Variants in PRKCI observed in about 807,000 individuals in gnomAD.
The protein encoded by PRKCI is protein kinase C iota.
Under a neutral mutation model 84.0 loss-of-function variants are expected in PRKCI, and 43 were observed. The observed-to-expected ratio is 0.51, with a 90% CI of 0.40 to 0.66. The LOEUF (loss-of-function observed/expected upper bound fraction) is 0.66. PRKCI is among the 30% of genes least tolerant of loss of function. PRKCI has a pLI of 0.00. For missense variants in PRKCI, 459 were observed against 745.6 expected (o/e 0.62, Z 4.48); for synonymous variants, 216 against 234.4 (o/e 0.92, Z 0.72).
At chr3:170,250,464 A>G (rs537329774) in intron 2 of PRKCI, among the ~76,000 whole-genome samples, 3 of 108,506 alleles carry the variant, frequency 2.8e-5, no homozygotes, top group Admixed American at 1.5e-4. Flanking sequence ...TCTCGTGTCT[A>G]TTAGCAGTTG....
chr3:170,294,007 T>G (rs1445057222), intron 14 of PRKCI, among the ~76,000 whole-genome samples: 2 of 152,166 alleles, frequency 1.3e-5, no homozygotes, highest in Non-Finnish European at 2.9e-5. Context: ...TTGATGTTTT[T>G]TAATACATTC....
At chr3:170,286,807 CTTTCT>C (rs1734404113) in intron 12 of PRKCI, among the ~76,000 whole-genome samples, 2 of 146,654 alleles carry the variant, frequency 1.4e-5, no homozygotes, top group Non-Finnish European at 3.0e-5. Context: ...TTTATTTTTA[CTTTCT>C]TTTTTTTTTT....
chr3:170,284,680 A>T, intron 12 of PRKCI, 84 bp downstream of exon 12: 2 of 1,394,466 alleles, frequency 1.4e-6, no homozygotes, highest in Non-Finnish European at 2.0e-6. Context: ...AAGATGAGGA[A>T]ATGATTACTA....
chr3:170,269,977 AAAG>A (rs1374409497), intron 5 of PRKCI, among the ~76,000 whole-genome samples: 5 of 152,118 alleles, frequency 3.3e-5, no homozygotes, highest in Middle Eastern at 3.4e-3. Flanking sequence ...AAAAGAAAGA[AAAG>A]AAGAAGAAGG....
chr3:170,280,269 G>A lies in PRKCI; in HGVS notation c.748G>A (p.Gly250Ser). ...RESGKASSSL[G>S]LQDFDLLRVI... ...AAGTGGCAAAGCTTCATCCAGTCTA[G>A]GTCTTCAGGATTTTGATTTGCTCCG... Residue 250 changes from glycine to serine, a missense_variant, in exon 9 of 18, where the codon GGT (glycine) becomes AGT (serine). Physicochemically the swap from Gly to Ser is moderately conservative, Grantham distance 56 (BLOSUM62 0). Transcript: ENST00000295797. 1 of 1,612,854 alleles carries A rather than the reference G, an allele frequency of 6.2e-7. No individual in the cohort carries two copies. Among genetic ancestry groups the A allele is most frequent in the Non-Finnish European group, 8.5e-7 (1 of 1,179,956 alleles).
At chr3:170,302,289 C>T (rs1734841299) in intron 17 of PRKCI, among the ~76,000 whole-genome samples, 1 of 152,132 alleles carries the variant, frequency 6.6e-6, no homozygotes, top group Non-Finnish European at 1.5e-5. Context: ...TGAATACTGC[C>T]TTCCTTGATT....
At chr3:170,223,922 TTTTTATTATTATAC>T (rs1462393878) in intron 1 of PRKCI, among the ~76,000 whole-genome samples, 4 of 152,130 alleles carry the variant, frequency 2.6e-5, no homozygotes, top group Admixed American at 6.5e-5. Flanking sequence ...AGGACTTTTT[TTTTTATTATTATAC>T]TTTAAGTTTT....
chr3:170,232,471 C>T (rs1732826002), intron 1 of PRKCI, among the ~76,000 whole-genome samples: 2 of 151,942 alleles, frequency 1.3e-5, no homozygotes, highest in Admixed American at 6.6e-5. Flanking sequence ...GCTCAAGCTG[C>T]ACTTATTTAG....
rs1734868770 is a variant in PRKCI at position 170,303,314 on chromosome 3, C to T, written c.*187C>T. On this transcript the variant is annotated 3_prime_UTR_variant, in exon 18 of 18. Transcript: ENST00000295797. ...TACTATGAAAAAAAAATTAATACTA[C>T]TAGCTTCCAGACAATCATGTCAAAA... The T allele has an allele frequency of 2.5e-6, 1 of 392,748 alleles. No individual in the cohort carries two copies. Among genetic ancestry groups the T allele is most frequent in the Admixed American group, 4.5e-5 (1 of 22,382 alleles). The allele number at this position is 392,748 out of a possible 1,614,324, so 24.3% of individuals were successfully genotyped here.
chr3:170,276,608 G>A lies in PRKCI; in HGVS notation c.705+1321G>A, dbSNP rs150574187. On this transcript the variant is annotated intron_variant, in intron 8 of 17. Coordinates refer to ENST00000295797, the MANE Select transcript of PRKCI (RefSeq NM_002740.6). ...GGACTACAGGCATGTGTCACCACTG[G>A]ACCCTCATCACAATATACAAAAATT... Among the ~76,000 whole-genome samples the A allele has an allele frequency of 4.1e-3, 623 of 151,960 alleles. 11 individuals are homozygous for A. Among genetic ancestry groups the A allele is most frequent in the African/African-American group, 0.015 (601 of 41,408 alleles).
intron 11 of PRKCI, among the ~76,000 whole-genome samples, chr3:170,282,280 G>T (rs113814538): frequency 5.7e-4 from 87 of 152,250 alleles, no homozygotes; most frequent in African/African-American, 2.0e-3. Flanking sequence ...TTATGTCTAT[G>T]TAGCATCAGC....
intron 5 of PRKCI, among the ~76,000 whole-genome samples, chr3:170,268,677 ACACTTATCTGG>A (rs1733924323): frequency 2.0e-5 from 3 of 152,176 alleles, no homozygotes; most frequent in African/African-American, 7.2e-5. Context: ...ATAATAGCAA[ACACTTATCTGG>A]GTTGTACTAC....
intron 5 of PRKCI, among the ~76,000 whole-genome samples, chr3:170,268,838 C>T (rs1733928352): frequency 6.6e-6 from 1 of 152,180 alleles, no homozygotes; most frequent in Admixed American, 6.5e-5. Context: ...CAAGATAATA[C>T]AGCTAGTAAG....
At position 170,303,203 on chromosome 3, in the gene PRKCI, A is replaced by G. The variant is rs1483347012; in HGVS notation, c.*76A>G. Reference sequence around the variant, plus strand: ...ATAAACTTGCTGCAAGCCTGGATACAATTAACCATTTTATATTTGCCACCT... The same window carrying G: ...ATAAACTTGCTGCAAGCCTGGATACGATTAACCATTTTATATTTGCCACCT... On this transcript the variant is annotated 3_prime_UTR_variant, in exon 18 of 18. Transcript: ENST00000295797. The G allele has an allele frequency of 8.9e-7, 1 of 1,120,880 alleles. No homozygotes were observed. Among genetic ancestry groups the G allele is most frequent in the Non-Finnish European group, 1.3e-6 (1 of 780,122 alleles). 69.4% of individuals were successfully genotyped at this position (1,120,880 alleles called of 1,614,324 possible).
At chr3:170,276,711 C>A (rs1734124140) in intron 8 of PRKCI, among the ~76,000 whole-genome samples, 1 of 152,140 alleles carries the variant, frequency 6.6e-6, no homozygotes, top group Admixed American at 6.6e-5. Flanking sequence ...GAAATATCCT[C>A]TCGACATTGG....
intron 1 of PRKCI, among the ~76,000 whole-genome samples, chr3:170,231,020 C>T (rs913509642): frequency 2.1e-5 from 3 of 143,188 alleles, no homozygotes; most frequent in South Asian, 4.4e-4. Flanking sequence ...AGCGCAGTGG[C>T]GTGATCTTGG....
At chr3:170,282,015 T>A in intron 11 of PRKCI, 47 bp downstream of exon 11, 1 of 1,585,158 alleles carries the variant, frequency 6.3e-7, no homozygotes, top group Non-Finnish European at 8.6e-7. Context: ...TGGGGCCATG[T>A]GGCTTTTTAT....
intron 2 of PRKCI, among the ~76,000 whole-genome samples, chr3:170,240,744 G>A (rs1733110335): frequency 6.6e-6 from 1 of 152,192 alleles, no homozygotes; most frequent in Non-Finnish European, 1.5e-5. Context: ...TGTTCCTCAA[G>A]CCAAACATTT....
chr3:170,293,361 G>T (rs765912178), intron 13 of PRKCI, 22 bp from the exon 14 acceptor site: 1 of 1,595,164 alleles, frequency 6.3e-7, no homozygotes, highest in East Asian at 2.2e-5. Context: ...ATAATTTATT[G>T]CTTTAAAATT....
Sources: allele counts gnomAD v4.1 joint callset (sites outside exome capture counted in the v4.1 genomes callset), GRCh38; gene constraint gnomAD v4.1.1; transcripts MANE v1.5; gene names NCBI Gene and HGNC (gene_info 2026-07-23, HGNC 2026-07-21).